KLHL8: variants seen among roughly 807,000 people sequenced by gnomAD.
KLHL8 encodes kelch like family member 8, also known as kelch-like protein 8.
In KLHL8, 38 loss-of-function variants were observed where a neutral mutation model predicts 63.5. That is an observed-to-expected ratio of 0.60 (90% CI 0.46 to 0.78). KLHL8 has a LOEUF of 0.78. Among genes scored for constraint, KLHL8 ranks in the 30% least tolerant of loss-of-function variants. KLHL8 has a pLI of 0.00. For synonymous variants in KLHL8, 224 were observed against 254.3 expected (o/e 0.88, Z 1.13); for missense variants, 566 against 752.4 (o/e 0.75, Z 2.90).
chr4:87,175,402 G>A (rs750288801), intron 6 of KLHL8, among the ~76,000 whole-genome samples: 1 of 151,926 alleles, frequency 6.6e-6, no homozygotes, highest in African/African-American at 2.4e-5. Context: ...GTTTCATAAT[G>A]GTTCAGGTAC....
intron 1 of KLHL8, 127 bp downstream of exon 1, chr4:87,220,291 G>A (rs1444335518): frequency 6.6e-6 from 1 of 152,540 alleles, no homozygotes; most frequent in Non-Finnish European, 1.5e-5. Flanking sequence ...GGAGACCCAA[G>A]ACGGGACGGT....
intron 1 of KLHL8, among the ~76,000 whole-genome samples, chr4:87,235,569 T>C (rs1733211760): frequency 6.6e-6 from 1 of 152,198 alleles, no homozygotes; most frequent in Admixed American, 6.5e-5. Context: ...CCCTTTGTCA[T>C]CATTTGAGAT....
At chr4:87,178,291 CA>C (rs992118181) in intron 5 of KLHL8, among the ~76,000 whole-genome samples, 185 bp downstream of exon 5, 2 of 152,086 alleles carry the variant, frequency 1.3e-5, no homozygotes, top group African/African-American at 4.8e-5. Context: ...CTCTGATATT[CA>C]TCTCCACATT....
At chr4:87,210,480 C>T (rs1343934549) in intron 1 of KLHL8, among the ~76,000 whole-genome samples, 2 of 151,196 alleles carry the variant, frequency 1.3e-5, no homozygotes, top group Non-Finnish European at 2.9e-5. Flanking sequence ...GACTCCATCT[C>T]AATAATAATA....
upstream of KLHL8, among the ~76,000 whole-genome samples, chr4:87,225,060 G>A (rs1724758658): frequency 6.6e-6 from 1 of 151,940 alleles, no homozygotes; most frequent in Non-Finnish European, 1.5e-5. Flanking sequence ...GGAGTGGCTG[G>A]GATTACAAGG....
In KLHL8 at chr4:87,162,343, T is replaced by C. The variant is rs1240435967; in HGVS notation, c.*1176A>G. 2.0e-5 allele frequency: 3 copies of C among 152,230 alleles called. No individual in the cohort carries two copies. The highest frequency in any genetic ancestry group is 7.2e-5 in the African/African-American group (3 of 41,464). The allele number at this position is 152,230 out of a possible 1,614,324, so 9.4% of individuals were successfully genotyped here. A position where few individuals can be genotyped will look rare whatever the true frequency, so the allele number is the denominator to read the frequency against. ...GCTGTTAAATCTGTAGGTCCATCAATATCCTGGCTTCAAATCAATATGTAG... is the reference window on the plus strand; with the variant it reads ...GCTGTTAAATCTGTAGGTCCATCAACATCCTGGCTTCAAATCAATATGTAG... On this transcript the variant is annotated 3_prime_UTR_variant, in exon 10 of 10. Transcript: ENST00000273963.
chr4:87,207,113 G>A (rs1453256751), intron 1 of KLHL8: 38 of 519,922 alleles, frequency 7.3e-5, no homozygotes, highest in South Asian at 5.7e-4. Context: ...CGGAGTCAAC[G>A]GATTTGGTCG....
At chr4:87,182,959 GAA>G (rs1430468518) in intron 4 of KLHL8, among the ~76,000 whole-genome samples, 2 of 152,184 alleles carry the variant, frequency 1.3e-5, no homozygotes, top group Admixed American at 6.5e-5. Context: ...GATCTCAAAA[GAA>G]GAGATATTTC....
upstream of KLHL8, among the ~76,000 whole-genome samples, chr4:87,222,952 TTTTA>T (rs1160234755): frequency 6.6e-6 from 1 of 152,030 alleles, no homozygotes; most frequent in Non-Finnish European, 1.5e-5. Flanking sequence ...TTTTATTTTA[TTTTA>T]TTTATTTTAT....
chr4:87,163,464 G>A lies in KLHL8; in HGVS notation c.*55C>T. ...TGAAAGGTGGTCATATCAAAATCTT[G>A]GTTTTCTTTTGTACCTATCAGATAT... On this transcript the variant is annotated 3_prime_UTR_variant, in exon 10 of 10. Transcript: ENST00000273963. 6.4e-7 allele frequency: 1 copy of A among 1,573,422 alleles called. No homozygotes were observed. Among genetic ancestry groups the A allele is most frequent in the South Asian group, 1.2e-5 (1 of 85,300 alleles).
At chr4:87,169,692 T>A (rs1245925497) in intron 8 of KLHL8, among the ~76,000 whole-genome samples, 1 of 152,042 alleles carries the variant, frequency 6.6e-6, no homozygotes, top group African/African-American at 2.4e-5. Flanking sequence ...CAAGAACCCA[T>A]CTCTACAAAA....
intron 1 of KLHL8, among the ~76,000 whole-genome samples, chr4:87,213,436 G>C (rs1466591421): frequency 6.6e-6 from 1 of 152,164 alleles, no homozygotes; most frequent in Non-Finnish European, 1.5e-5. Flanking sequence ...GCACAAAGCT[G>C]AATTTACTAC....
chr4:87,182,956 A>T (rs1310005626), intron 4 of KLHL8, among the ~76,000 whole-genome samples: 1 of 152,226 alleles, frequency 6.6e-6, no homozygotes, highest in East Asian at 1.9e-4. Context: ...AAAGATCTCA[A>T]AAGAAGAGAT....
rs1560698461 is a variant in KLHL8 at position 87,183,240 on chromosome 4, T to C, written c.915A>G (p.Glu305=). The change falls in exon 4 of 10, where the codon GAA becomes GAG. Residue 305 remains glutamate (E), a synonymous_variant. Transcript: ENST00000273963. ...TCCTTGGGGTAGTCCGAATGGAGTATTCAAAGTCAGGTACTGCTCTGCTAC... is the reference window on the plus strand; with the variant it reads ...TCCTTGGGGTAGTCCGAATGGAGTACTCAAAGTCAGGTACTGCTCTGCTAC... ...HLSSRAVPDF[E]YSIRTTPRKH... The C allele has an allele frequency of 6.2e-7, 1 of 1,612,416 alleles. No individual in the cohort carries two copies. The highest frequency in any genetic ancestry group is 8.5e-7 in the Non-Finnish European group (1 of 1,178,984).
At chr4:87,178,425 T>C in intron 5 of KLHL8, 52 bp downstream of exon 5, 1 of 1,509,116 alleles carries the variant, frequency 6.6e-7, no homozygotes, top group Non-Finnish European at 8.9e-7. Context: ...AGTTGAAATA[T>C]TTTAAAAAGA....
chr4:87,163,861 G>A lies in KLHL8; in HGVS notation c.1739+17C>T. Reference sequence around the variant, plus strand: ...ACCAGAAGATAATATAAAGCACGGAGACAACATGTAAATTACCTATTCAGC... The same window carrying A: ...ACCAGAAGATAATATAAAGCACGGAAACAACATGTAAATTACCTATTCAGC... On this transcript the variant is annotated intron_variant, in intron 9 of 9. Transcript: ENST00000273963. The A allele has an allele frequency of 6.2e-7, 1 of 1,609,180 alleles. No homozygotes were observed. Among genetic ancestry groups the A allele is most frequent in the Non-Finnish European group, 8.5e-7 (1 of 1,175,874 alleles).
At chr4:87,177,583 C>T (rs1309815857) in intron 5 of KLHL8, among the ~76,000 whole-genome samples, 1 of 152,014 alleles carries the variant, frequency 6.6e-6, no homozygotes, top group Non-Finnish European at 1.5e-5. Flanking sequence ...CACACTTACA[C>T]ACATACATAT....
chr4:87,221,318 C>A, upstream of KLHL8: 1 of 150,584 alleles, frequency 6.6e-6, no homozygotes. Context: ...TTGCTTGAAC[C>A]CGGGAGTCGG....
chr4:87,233,207 AT>A (rs1733168634), intron 1 of KLHL8, among the ~76,000 whole-genome samples: 1 of 151,880 alleles, frequency 6.6e-6, no homozygotes, highest in Non-Finnish European at 1.5e-5. Flanking sequence ...TGCCTGGCTA[AT>A]TTTTTTGTAT....
Sources: allele counts gnomAD v4.1 joint callset (sites outside exome capture counted in the v4.1 genomes callset), GRCh38; gene constraint gnomAD v4.1.1; transcripts MANE v1.5; gene names NCBI Gene and HGNC (gene_info 2026-07-23, HGNC 2026-07-21).